The following UBE2E2 variants were observed in gnomAD, a reference collection of about 807,000 sequenced individuals.
UBE2E2 encodes ubiquitin conjugating enzyme E2 E2.
A neutral mutation model predicts 24.7 loss-of-function variants in UBE2E2; 6 were observed. The ratio of observed to expected loss-of-function variants is 0.24; its 90% CI spans 0.13 to 0.48. UBE2E2 has a LOEUF of 0.48. UBE2E2 is among the 20% of genes least tolerant of loss of function. The probability of loss-of-function intolerance (pLI) is 0.99; values close to 1 mark genes in which losing one functional copy is unlikely to be tolerated. For missense variants in UBE2E2, 169 were observed against 245.0 expected, an observed-to-expected ratio of 0.69 and a Z score of 2.07; for synonymous variants, 104 against 83.6, an observed-to-expected ratio of 1.24 and a Z score of -1.33.
At chr3:23,418,406 G>T (rs1330183314) in intron 3 of UBE2E2, among the ~76,000 whole-genome samples, 1 of 152,162 alleles carries the variant, frequency 6.6e-6, no homozygotes, top group Non-Finnish European at 1.5e-5. Flanking sequence ...GATGAGTAGG[G>T]TACCTTAGTT....
At chr3:23,262,860 A>G (rs567620573) in intron 3 of UBE2E2, among the ~76,000 whole-genome samples, 18 of 152,196 alleles carry the variant, frequency 1.2e-4, no homozygotes, top group African/African-American at 3.9e-4. Context: ...AGATTTTTCC[A>G]TATGTTTTCT....
At chr3:23,385,548 G>T (rs1239142360) in intron 3 of UBE2E2, among the ~76,000 whole-genome samples, 1 of 152,190 alleles carries the variant, frequency 6.6e-6, no homozygotes, top group East Asian at 1.9e-4. Context: ...TGCCTTGTCT[G>T]TTAATGTCAG....
Position 23,243,748 on chromosome 3 carries a change from C to CT in UBE2E2, c.227+26449dup, listed in dbSNP as rs72104834. Among the ~76,000 whole-genome samples, 148 of 144,430 alleles carry CT rather than the reference C, an allele frequency of 1.0e-3. 1 individual carries two copies. Among genetic ancestry groups the CT allele is most frequent in the Admixed American group, 1.1e-3 (16 of 14,422 alleles). 94.8% of individuals were successfully genotyped at this position (144,430 alleles called of 152,430 possible). On this transcript the variant is annotated intron_variant, in intron 3 of 5. Coordinates refer to ENST00000396703, the MANE Select transcript of UBE2E2 (RefSeq NM_152653.4). Reference sequence around the variant, plus strand: ...AATCACTTGTCTACAAATAGTATTTCTTTTTTTTTTTTTGGCCTTAAAGTT... The same window carrying CT: ...AATCACTTGTCTACAAATAGTATTTCTTTTTTTTTTTTTTGGCCTTAAAGTT...
chr3:23,317,021 A>G (rs1370802389), intron 3 of UBE2E2, among the ~76,000 whole-genome samples: 1 of 152,028 alleles, frequency 6.6e-6, no homozygotes, highest in Non-Finnish European at 1.5e-5. Context: ...CCTCTCCTCA[A>G]GAAGAAGGAA....
intron 3 of UBE2E2, among the ~76,000 whole-genome samples, chr3:23,493,431 A>C (rs1475436903): frequency 1.3e-5 from 2 of 152,240 alleles, no homozygotes; most frequent in East Asian, 3.8e-4. Flanking sequence ...AACCTTGGGC[A>C]TTCAGCCAAA....
chr3:23,410,892 G>A (rs1697480753), intron 3 of UBE2E2, among the ~76,000 whole-genome samples: 1 of 152,106 alleles, frequency 6.6e-6, no homozygotes, highest in Non-Finnish European at 1.5e-5. Flanking sequence ...AGAAAAAGAA[G>A]CAAAACGCTT....
rs569517533 is a variant in UBE2E2 at position 23,427,764 on chromosome 3, A to T, written c.228-71844A>T. On this transcript the variant is annotated intron_variant, in intron 3 of 5. Coordinates refer to ENST00000396703, the MANE Select transcript of UBE2E2 (RefSeq NM_152653.4). ...ACACTAATCCAAAGAAAGTGGGAGT[A>T]CCTATATTAATTTCACAAATAGAAG... 5.7e-4 allele frequency among the ~76,000 whole-genome samples: 87 copies of T among 152,332 alleles called. 1 individual carries two copies. Among genetic ancestry groups the T allele is most frequent in the Non-Finnish European group, 4.1e-4 (28 of 68,034 alleles).
rs545042275 is a variant in UBE2E2, at chr3:23,230,511, G to A, written c.227+13199G>A. ...TACATTGGAGAAGAGTTGGCTGGGC[G>A]CAGGGGCTCATGCCTATAATCCCAG... On this transcript the variant is annotated intron_variant, in intron 3 of 5. Coordinates refer to ENST00000396703, the MANE Select transcript of UBE2E2 (RefSeq NM_152653.4). 2.6e-5 allele frequency among the ~76,000 whole-genome samples: 4 copies of A among 152,262 alleles called. No homozygotes were observed. The East Asian group carries it at 5.8e-4, about 22-fold the overall frequency.
intron 3 of UBE2E2, among the ~76,000 whole-genome samples, chr3:23,354,869 C>T (rs1695892981): frequency 6.6e-6 from 1 of 152,138 alleles, no homozygotes; most frequent in Admixed American, 6.6e-5. Flanking sequence ...CCCAGCCATC[C>T]CATTACTGGG....
chr3:23,275,648 A>T (rs760606783), intron 3 of UBE2E2, among the ~76,000 whole-genome samples: 1 of 152,210 alleles, frequency 6.6e-6, no homozygotes, highest in Non-Finnish European at 1.5e-5. Flanking sequence ...TCTTATTCTC[A>T]GTTTTATAGG....
chr3:23,336,380 A>G (rs377070795), intron 3 of UBE2E2, among the ~76,000 whole-genome samples: 43 of 152,352 alleles, frequency 2.8e-4, no homozygotes, highest in African/African-American at 8.9e-4. Flanking sequence ...AATCTTTCCC[A>G]TATTTCCTAT....
chr3:23,238,003 A>G (rs1697161648), intron 3 of UBE2E2, among the ~76,000 whole-genome samples: 1 of 152,102 alleles, frequency 6.6e-6, no homozygotes, highest in Non-Finnish European at 1.5e-5. Flanking sequence ...AACCATAAAT[A>G]CATTCAGGAC....
chr3:23,517,679 A>G (rs1694772758), intron 4 of UBE2E2, among the ~76,000 whole-genome samples: 1 of 152,186 alleles, frequency 6.6e-6, no homozygotes, highest in South Asian at 2.1e-4. Context: ...CCTGTCTACA[A>G]AAAATTTATT....
intron 3 of UBE2E2, among the ~76,000 whole-genome samples, chr3:23,304,966 G>A (rs567540944): frequency 6.6e-6 from 1 of 152,040 alleles, no homozygotes; most frequent in Admixed American, 6.6e-5. Flanking sequence ...TTGGCTCTCT[G>A]AAAGATTATG....
chr3:23,236,902 C>T (rs969234450), intron 3 of UBE2E2, among the ~76,000 whole-genome samples: 12 of 152,156 alleles, frequency 7.9e-5, no homozygotes, highest in African/African-American at 2.9e-4. Context: ...CAGCATGGTC[C>T]TTTGTCTCTC....
At chr3:23,448,428 C>T (rs1698480514) in intron 3 of UBE2E2, among the ~76,000 whole-genome samples, 2 of 152,250 alleles carry the variant, frequency 1.3e-5, no homozygotes, top group African/African-American at 2.4e-5. Flanking sequence ...GCCTAACTTA[C>T]CCATGTTATG....
intron 3 of UBE2E2, among the ~76,000 whole-genome samples, chr3:23,425,309 A>G (rs966386560): frequency 5.9e-5 from 9 of 152,168 alleles, no homozygotes; most frequent in African/African-American, 2.2e-4. Context: ...AGATAGTTGG[A>G]CAAATCATTT....
At chr3:23,238,127 A>G (rs748650598) in intron 3 of UBE2E2, among the ~76,000 whole-genome samples, 6 of 152,150 alleles carry the variant, frequency 3.9e-5, no homozygotes, top group Non-Finnish European at 7.4e-5. Flanking sequence ...TTGTTGAAAA[A>G]AGCCTGGTTC....
chr3:23,351,367 A>G (rs182618817), intron 3 of UBE2E2, among the ~76,000 whole-genome samples: 2 of 152,254 alleles, frequency 1.3e-5, no homozygotes, highest in Non-Finnish European at 2.9e-5. Context: ...TAATGACGGG[A>G]TCAAATTCAC....
Sources: gnomAD v4.1 joint callset for allele counts (sites outside exome capture counted in the v4.1 genomes callset) on GRCh38, gnomAD v4.1.1 for gene constraint, MANE v1.5 for transcripts, NCBI Gene and HGNC (gene_info 2026-07-23, HGNC 2026-07-21) for gene names.